Variants in CHODL observed in about 807,000 individuals in gnomAD.
The protein encoded by CHODL is chondrolectin.
CHODL carries 29 observed loss-of-function variants against 34.5 expected under a neutral mutation model. That is an observed-to-expected ratio of 0.84 (90% CI 0.63 to 1.15). CHODL has a LOEUF of 1.15. CHODL is among the 50% of genes most tolerant of loss of function. The probability of loss-of-function intolerance (pLI) is 0.00; values close to 1 mark genes in which losing one functional copy is unlikely to be tolerated. For synonymous variants in CHODL, 125 were observed against 116.1 expected, an observed-to-expected ratio of 1.08 and a Z score of -0.49; for missense variants, 332 against 332.5, an observed-to-expected ratio of 1.00 and a Z score of 0.01.
intron 3 of CHODL, among the ~76,000 whole-genome samples, chr21:18,259,867 C>G (rs116038305): frequency 0.015 from 2,322 of 152,260 alleles, 48 homozygotes; most frequent in African/African-American, 0.041. Context: ...TTTGCCAATT[C>G]TTGGTTATCC....
chr21:18,169,312 A>G (rs1470245318), intron 2 of CHODL, among the ~76,000 whole-genome samples: 2 of 152,010 alleles, frequency 1.3e-5, no homozygotes, highest in East Asian at 3.8e-4. Context: ...TGTGAATTAT[A>G]TTCTTTAATT....
At chr21:18,003,134 A>C (rs867252647) in intron 1 of CHODL, among the ~76,000 whole-genome samples, 38 of 127,766 alleles carry the variant, frequency 3.0e-4, no homozygotes, top group African/African-American at 8.9e-4. Context: ...AAAAAAAAAA[A>C]ACAAAAAAAA....
chr21:18,170,571 T>C (rs548548712), intron 2 of CHODL, among the ~76,000 whole-genome samples: 2 of 152,302 alleles, frequency 1.3e-5, no homozygotes, highest in Admixed American at 1.3e-4. Context: ...TTTTATCTTT[T>C]TATTGGTTGT....
At chr21:17,983,289 T>C (rs2063728926) in intron 1 of CHODL, among the ~76,000 whole-genome samples, 2 of 152,220 alleles carry the variant, frequency 1.3e-5, no homozygotes, top group African/African-American at 4.8e-5. Flanking sequence ...ACGTCCCTAT[T>C]TTTAGAGCAT....
chr21:17,961,236 T>A (rs1284527193), intron 1 of CHODL, among the ~76,000 whole-genome samples: 2 of 152,224 alleles, frequency 1.3e-5, no homozygotes, highest in African/African-American at 4.8e-5. Flanking sequence ...TACCTCTTCT[T>A]TATGCCTGAG....
chr21:18,074,950 T>C (rs1419939469), intron 2 of CHODL, among the ~76,000 whole-genome samples: 1 of 152,196 alleles, frequency 6.6e-6, no homozygotes, highest in Non-Finnish European at 1.5e-5. Context: ...GGGGCCACAG[T>C]AGTTTGATAA....
intron 2 of CHODL, among the ~76,000 whole-genome samples, chr21:18,144,426 C>G (rs1000238286): frequency 1.3e-5 from 2 of 152,062 alleles, no homozygotes; most frequent in African/African-American, 4.8e-5. Context: ...TTTATATATA[C>G]AACTAACCTT....
intron 1 of CHODL, among the ~76,000 whole-genome samples, chr21:17,927,163 T>C (rs2063234842): frequency 1.4e-5 from 2 of 148,042 alleles, no homozygotes; most frequent in Admixed American, 6.8e-5. Flanking sequence ...TATATATGTA[T>C]ATATGTATAT....
intron 2 of CHODL, among the ~76,000 whole-genome samples, chr21:18,106,887 C>A (rs992167897): frequency 2.0e-5 from 3 of 152,172 alleles, no homozygotes; most frequent in East Asian, 3.9e-4. Flanking sequence ...ATATACCAGG[C>A]CTTATGGGAC....
chr21:17,936,083 T>C (rs1049992286), intron 1 of CHODL, among the ~76,000 whole-genome samples: 10 of 152,170 alleles, frequency 6.6e-5, no homozygotes, highest in African/African-American at 1.9e-4. Context: ...TATCATATCG[T>C]AGAAATAGAA....
At chr21:17,972,255 C>T (rs556166469) in intron 1 of CHODL, among the ~76,000 whole-genome samples, 11 of 152,258 alleles carry the variant, frequency 7.2e-5, no homozygotes, top group Middle Eastern at 3.4e-3. Context: ...CCTCTTTCAC[C>T]ACTTCTCTTC....
At chr21:18,138,992 T>C (rs947231402) in intron 2 of CHODL, among the ~76,000 whole-genome samples, 2 of 152,086 alleles carry the variant, frequency 1.3e-5, no homozygotes, top group East Asian at 3.9e-4. Flanking sequence ...ATAGTTTGGG[T>C]AATATTATAT....
At chr21:17,985,934 T>C (rs2063750104) in intron 1 of CHODL, among the ~76,000 whole-genome samples, 1 of 152,154 alleles carries the variant, frequency 6.6e-6, no homozygotes, top group Admixed American at 6.6e-5. Context: ...TTGAAGATGG[T>C]GCTTTCTTGC....
chr21:18,180,934 TATTAA>T (rs1364359571), intron 2 of CHODL, among the ~76,000 whole-genome samples: 3 of 152,286 alleles, frequency 2.0e-5, no homozygotes, highest in Non-Finnish European at 4.4e-5. Flanking sequence ...TTGTTAGGAG[TATTAA>T]ATTAATTTGA....
At chr21:18,018,028 C>A (rs1183268093) in intron 1 of CHODL, among the ~76,000 whole-genome samples, 1 of 152,210 alleles carries the variant, frequency 6.6e-6, no homozygotes, top group African/African-American at 2.4e-5. Context: ...TGCACATAGG[C>A]CCCTTTCTGT....
chr21:17,933,312 A>C (rs991064091), intron 1 of CHODL, among the ~76,000 whole-genome samples: 1 of 152,150 alleles, frequency 6.6e-6, no homozygotes, highest in African/African-American at 2.4e-5. Flanking sequence ...CCCTTCCCAC[A>C]AGGCCATATT....
chr21:18,119,316 C>A (rs1015968028), intron 2 of CHODL, among the ~76,000 whole-genome samples: 1 of 151,884 alleles, frequency 6.6e-6, no homozygotes, highest in Non-Finnish European at 1.5e-5. Context: ...AGACAAAGAA[C>A]TGTGGAATGT....
intron 1 of CHODL, among the ~76,000 whole-genome samples, chr21:18,011,834 CAG>C (rs1170101692): frequency 6.6e-6 from 1 of 152,198 alleles, no homozygotes; most frequent in African/African-American, 2.4e-5. Flanking sequence ...AGAGACTTTG[CAG>C]ACTCCACAGA....
chr21:18,257,371 T>G (rs1488247907), intron 3 of CHODL, among the ~76,000 whole-genome samples: 1 of 152,170 alleles, frequency 6.6e-6, no homozygotes, highest in African/African-American at 2.4e-5. Flanking sequence ...GAAAAAATAA[T>G]CATTTCTTAC....
Sources: allele counts gnomAD v4.1 joint callset (sites outside exome capture counted in the v4.1 genomes callset), GRCh38; gene constraint gnomAD v4.1.1; transcripts MANE v1.5; gene names NCBI Gene and HGNC (gene_info 2026-07-23, HGNC 2026-07-21).